Variants in SMYD3 observed in about 807,000 individuals in gnomAD.
SMYD3 encodes SET and MYND domain containing 3.
A neutral mutation model predicts 57.7 loss-of-function variants in SMYD3; 36 were observed. The observed-to-expected ratio is 0.62, with a 90% CI of 0.48 to 0.82. The LOEUF is 0.82. Among genes scored for constraint, SMYD3 ranks in the 40% least tolerant of loss-of-function variants. The pLI, the probability that SMYD3 is intolerant of heterozygous loss-of-function variation, is 0.00. For missense variants in SMYD3, 515 were observed against 538.8 expected (o/e 0.96, Z 0.44); for synonymous variants, 211 against 195.0 (o/e 1.08, Z -0.68).
chr1:246,440,820 G>A (rs2067451618), intron 1 of SMYD3, among the ~76,000 whole-genome samples: 1 of 152,158 alleles, frequency 6.6e-6, no homozygotes, highest in Admixed American at 6.5e-5. Context: ...TCCATGGATT[G>A]GGGCTTTCGC....
At chr1:245,841,682 C>A (rs998380291) in intron 10 of SMYD3, among the ~76,000 whole-genome samples, 4 of 152,142 alleles carry the variant, frequency 2.6e-5, no homozygotes, top group Non-Finnish European at 5.9e-5. Flanking sequence ...GTAGTTGAAA[C>A]AATCCTGTCA....
chr1:246,242,905 C>A (rs1366905888), intron 5 of SMYD3, among the ~76,000 whole-genome samples: 1 of 152,144 alleles, frequency 6.6e-6, no homozygotes, highest in African/African-American at 2.4e-5. Flanking sequence ...AGCTAACTAT[C>A]CTAAATATAT....
intron 5 of SMYD3, among the ~76,000 whole-genome samples, chr1:246,242,049 T>C (rs1179645788): frequency 6.6e-6 from 1 of 151,770 alleles, no homozygotes; most frequent in Non-Finnish European, 1.5e-5. Flanking sequence ...GGCTCCTGGA[T>C]TCATTGATTT....
At chr1:245,762,929 G>A (rs2791378) in intron 11 of SMYD3, among the ~76,000 whole-genome samples, 46,065 of 151,860 alleles carry the variant, frequency 0.3, 8,014 homozygotes, top group African/African-American at 0.48. Flanking sequence ...TATGATACCC[G>A]CACGCCAGGT....
chr1:246,157,911 C>T (rs1000846519), intron 5 of SMYD3, among the ~76,000 whole-genome samples: 1 of 152,176 alleles, frequency 6.6e-6, no homozygotes, highest in African/African-American at 2.4e-5. Flanking sequence ...AGTGAGACCC[C>T]ACTAGGTTGA....
intron 5 of SMYD3, among the ~76,000 whole-genome samples, chr1:246,306,529 T>A (rs1186628534): frequency 1.3e-5 from 2 of 152,214 alleles, no homozygotes; most frequent in African/African-American, 2.4e-5. Context: ...CAGATATGGC[T>A]TTTCAATGGA....
chr1:246,497,730 G>A (rs1313068988), intron 1 of SMYD3, among the ~76,000 whole-genome samples: 1 of 152,068 alleles, frequency 6.6e-6, no homozygotes, highest in Non-Finnish European at 1.5e-5. Flanking sequence ...GATGTTGCAC[G>A]CCTGTGGTCT....
intron 5 of SMYD3, among the ~76,000 whole-genome samples, chr1:246,011,996 G>T (rs1572889363): frequency 6.6e-6 from 1 of 152,274 alleles, no homozygotes; most frequent in East Asian, 1.9e-4. Context: ...ATTGTCCACT[G>T]ATACCAGCTA....
At chr1:246,131,623 A>G (rs573484211) in intron 5 of SMYD3, among the ~76,000 whole-genome samples, 6 of 152,368 alleles carry the variant, frequency 3.9e-5, no homozygotes, top group Admixed American at 3.3e-4. Context: ...AATTTCGGCT[A>G]TAACTCTTAC....
Position 245,765,223 on chromosome 1 carries a change from TAAA to T in SMYD3, c.1077-1077_1077-1075del, listed in dbSNP as rs61147984. On this transcript the variant is annotated intron_variant, in intron 10 of 11. Transcript: ENST00000490107. ...TAACAAGGCAAAACCCTTTCTCTAT[TAAA>T]AAAAAAAAAAAAATACAAAAATGAG... Among the ~76,000 whole-genome samples, 723 of 113,502 alleles carry T rather than the reference TAAA, an allele frequency of 6.4e-3. 6 individuals carry two copies. Among genetic ancestry groups the T allele is most frequent in the African/African-American group, 0.027 (682 of 24,988 alleles). The allele number at this position is 113,502 out of a possible 152,430, so 74.5% of individuals were successfully genotyped here. A position where few individuals can be genotyped will look rare whatever the true frequency, so the allele number is the denominator to read the frequency against.
chr1:246,025,273 C>T (rs935331929), intron 5 of SMYD3, among the ~76,000 whole-genome samples: 9 of 150,982 alleles, frequency 6.0e-5, no homozygotes, highest in Non-Finnish European at 1.0e-4. Context: ...AAGGGAGATA[C>T]AGCAAGTGGA....
chr1:245,987,860 C>G (rs767062089), intron 5 of SMYD3, among the ~76,000 whole-genome samples: 1 of 152,146 alleles, frequency 6.6e-6, no homozygotes, highest in Non-Finnish European at 1.5e-5. Context: ...AAGCAGGAGT[C>G]CTCCAAACCT....
chr1:246,485,549 A>T (rs2068172901), intron 1 of SMYD3, among the ~76,000 whole-genome samples: 1 of 152,098 alleles, frequency 6.6e-6, no homozygotes, highest in Admixed American at 6.6e-5. Context: ...TGGGAGGCTG[A>T]TGCAAGAGGA....
At chr1:246,071,887 C>T (rs199918662) in intron 5 of SMYD3, among the ~76,000 whole-genome samples, 217 of 19,746 alleles carry the variant, frequency 0.011, 5 homozygotes, top group Middle Eastern at 0.031. Context: ...CTCACTGTCG[C>T]TGCATCGTGT....
At chr1:246,499,252 C>T (rs548075084) in intron 1 of SMYD3, among the ~76,000 whole-genome samples, 16 of 151,488 alleles carry the variant, frequency 1.1e-4, no homozygotes, top group Admixed American at 5.3e-4. Flanking sequence ...TGCAGTGAGC[C>T]GAGATTGTAC....
chr1:246,155,964 G>A (rs1307537489), intron 5 of SMYD3, among the ~76,000 whole-genome samples: 3 of 151,930 alleles, frequency 2.0e-5, no homozygotes, highest in South Asian at 4.2e-4. Flanking sequence ...TCCAGCCTGG[G>A]TGACAGAGCG....
At chr1:246,430,125 G>A (rs894297603) in intron 1 of SMYD3, among the ~76,000 whole-genome samples, 11 of 147,456 alleles carry the variant, frequency 7.5e-5, no homozygotes, top group Admixed American at 1.4e-4. Context: ...TGACTGGCAA[G>A]TACTAAATAA....
At chr1:246,027,696 G>A (rs1420468979) in intron 5 of SMYD3, among the ~76,000 whole-genome samples, 5 of 152,206 alleles carry the variant, frequency 3.3e-5, no homozygotes, top group Admixed American at 2.0e-4. Flanking sequence ...CAAGAGCTCC[G>A]ATGGAGATGT....
At chr1:246,206,511 A>T (rs2063002370) in intron 5 of SMYD3, among the ~76,000 whole-genome samples, 1 of 152,144 alleles carries the variant, frequency 6.6e-6, no homozygotes, top group South Asian at 2.1e-4. Context: ...CAAAAATGAC[A>T]GAGAAAAATT....
Sources: allele counts gnomAD v4.1 joint callset (sites outside exome capture counted in the v4.1 genomes callset), GRCh38; gene constraint gnomAD v4.1.1; transcripts MANE v1.5; gene names NCBI Gene and HGNC (gene_info 2026-07-23, HGNC 2026-07-21).